LINGO2: variants seen among roughly 807,000 people sequenced by gnomAD.
LINGO2 encodes the protein leucine rich repeat and Ig domain containing 2, also known as leucine-rich repeat and immunoglobulin-like domain-containing nogo receptor-interacting protein 2.
A neutral mutation model predicts 30.6 loss-of-function variants in LINGO2; 14 were observed. The ratio of observed to expected loss-of-function variants is 0.46; its 90% CI spans 0.30 to 0.72. The LOEUF is 0.72. LINGO2 is among the 30% of genes least tolerant of loss of function. LINGO2 has a pLI of 0.07. For missense variants in LINGO2, 729 were observed against 751.7 expected (o/e 0.97, Z 0.35); for synonymous variants, 317 against 288.5 (o/e 1.10, Z -1.00).
At chr9:28,939,800 T>G in the LINGO2 span, among the ~76,000 whole-genome samples, 1 of 152,102 alleles carries the variant, frequency 6.6e-6, no homozygotes. Flanking sequence ...TGCAGTGCAT[T>G]TCTACCCCAC....
At chr9:28,132,922 C>A (rs980878034) in intron 4 of LINGO2, among the ~76,000 whole-genome samples, 3 of 152,224 alleles carry the variant, frequency 2.0e-5, no homozygotes, top group African/African-American at 2.4e-5. Context: ...TTTGAGCAGA[C>A]CCCCCTTTTC....
At chr9:28,251,766 A>G (rs949839810) in intron 4 of LINGO2, among the ~76,000 whole-genome samples, 2 of 152,072 alleles carry the variant, frequency 1.3e-5, no homozygotes, top group Non-Finnish European at 2.9e-5. Flanking sequence ...TAACAGGTAG[A>G]ATTCAGAGTG....
chr9:28,800,464 T>C, the LINGO2 span, among the ~76,000 whole-genome samples: 14 of 152,182 alleles, frequency 9.2e-5, no homozygotes, highest in African/African-American at 3.1e-4. Flanking sequence ...TATAAGTCTG[T>C]TCTGTGTTAA....
At chr9:28,891,773 G>A in the LINGO2 span, among the ~76,000 whole-genome samples, 1 of 141,730 alleles carries the variant, frequency 7.1e-6, no homozygotes, top group African/African-American at 2.4e-5. Context: ...GAATACTCAT[G>A]CAATTTATGA....
At chr9:28,057,971 T>C (rs576995469) in intron 4 of LINGO2, among the ~76,000 whole-genome samples, 1 of 152,154 alleles carries the variant, frequency 6.6e-6, no homozygotes, top group South Asian at 2.1e-4. Flanking sequence ...TTCTTTTATA[T>C]ACTATTCTCT....
chr9:28,112,003 C>T (rs975055200), intron 4 of LINGO2, among the ~76,000 whole-genome samples: 1 of 138,238 alleles, frequency 7.2e-6, no homozygotes, highest in South Asian at 2.6e-4. Flanking sequence ...TGGTGCGCTG[C>T]ACCCACTAAT....
the LINGO2 span, among the ~76,000 whole-genome samples, chr9:29,189,878 AGC>A: frequency 6.8e-6 from 1 of 147,910 alleles, no homozygotes; most frequent in Non-Finnish European, 1.5e-5. Context: ...CAGGCGTGGC[AGC>A]GCGCGCCTGC....
At chr9:28,965,025 T>C in the LINGO2 span, among the ~76,000 whole-genome samples, 25 of 151,850 alleles carry the variant, frequency 1.6e-4, no homozygotes, top group Non-Finnish European at 2.7e-4. Context: ...TAATCTTATA[T>C]TAATCTTATA....
intron 1 of LINGO2, among the ~76,000 whole-genome samples, chr9:28,569,613 A>G (rs1162283683): frequency 1.5e-5 from 2 of 136,472 alleles, no homozygotes; most frequent in African/African-American, 2.7e-5. Context: ...AATGATGGTT[A>G]CCAGGGGCTG....
chr9:29,000,620 C>T, the LINGO2 span, among the ~76,000 whole-genome samples: 1 of 151,860 alleles, frequency 6.6e-6, no homozygotes, highest in African/African-American at 2.4e-5. Flanking sequence ...CTGAATTGTA[C>T]TGAAAGAGCT....
the LINGO2 span, among the ~76,000 whole-genome samples, chr9:29,004,509 CA>C: frequency 6.6e-6 from 1 of 151,756 alleles, no homozygotes; most frequent in African/African-American, 2.4e-5. Context: ...TATAGTCTAC[CA>C]CATACATATA....
chr9:29,010,617 T>A, the LINGO2 span, among the ~76,000 whole-genome samples: 1 of 152,206 alleles, frequency 6.6e-6, no homozygotes, highest in African/African-American at 2.4e-5. Flanking sequence ...AACATCAATT[T>A]TTTTTACTGA....
chr9:28,162,009 G>A (rs1351505082), intron 4 of LINGO2, among the ~76,000 whole-genome samples: 1 of 152,016 alleles, frequency 6.6e-6, no homozygotes, highest in Non-Finnish European at 1.5e-5. Context: ...AGGAGGCACT[G>A]AACAGTTTGC....
chr9:28,053,330 G>C (rs1824763965), intron 4 of LINGO2, among the ~76,000 whole-genome samples: 1 of 152,056 alleles, frequency 6.6e-6, no homozygotes, highest in African/African-American at 2.4e-5. Flanking sequence ...CGGGTCTTAG[G>C]CTGCAAGGGA....
At chr9:28,946,147 C>T in the LINGO2 span, among the ~76,000 whole-genome samples, 37 of 152,140 alleles carry the variant, frequency 2.4e-4, no homozygotes, top group African/African-American at 8.0e-4. Context: ...AAAATGTAAG[C>T]AATCTGACTG....
chr9:28,688,301 G>T, the LINGO2 span, among the ~76,000 whole-genome samples: 6 of 152,164 alleles, frequency 3.9e-5, no homozygotes, highest in African/African-American at 1.4e-4. Context: ...TAGAAGGAAA[G>T]CCTTAAAGCC....
rs146254758 is a variant in LINGO2, at chr9:28,433,923, T to TTCTCTCTCTC, written c.-279+42007_-279+42016dup. The stretch of plus-strand genomic sequence containing the variant: ...TGGATAAAGAAAATGTGCTCTCTCT[T>TTCTCTCTCTC]TCTCTCTCTCTCTCTCTCTCTCTCT... On this transcript the variant is annotated intron_variant, in intron 2 of 5. Transcript: ENST00000379992. 6.8e-4 allele frequency among the ~76,000 whole-genome samples: 75 copies of TTCTCTCTCTC among 110,014 alleles called. 2 individuals carry two copies. The highest frequency in any genetic ancestry group is 1.0e-3 in the Admixed American group (10 of 9,688). 72.2% of individuals were successfully genotyped at this position (110,014 alleles called of 152,430 possible).
intron 2 of LINGO2, among the ~76,000 whole-genome samples, chr9:28,426,576 A>G (rs1370970366): frequency 2.0e-5 from 3 of 152,076 alleles, no homozygotes; most frequent in Non-Finnish European, 4.4e-5. Flanking sequence ...GAGCACTACC[A>G]ATAGAAGTTT....
the LINGO2 span, among the ~76,000 whole-genome samples, chr9:29,083,261 G>T: frequency 1.3e-5 from 2 of 152,046 alleles, no homozygotes; most frequent in African/African-American, 4.8e-5. Context: ...CCATAAAAAA[G>T]GATGAGTTCA....
Sources: allele counts gnomAD v4.1 joint callset (sites outside exome capture counted in the v4.1 genomes callset), GRCh38; gene constraint gnomAD v4.1.1; transcripts MANE v1.5; gene names NCBI Gene and HGNC (gene_info 2026-07-23, HGNC 2026-07-21).